The following NLRC5 variants were observed in gnomAD, a reference collection of about 807,000 sequenced individuals.
NLRC5 encodes protein NLRC5.
Under a neutral mutation model 206.9 loss-of-function variants are expected in NLRC5, and 114 were observed. The ratio of observed to expected loss-of-function variants is 0.55; its 90% confidence interval spans 0.47 to 0.64. The LOEUF (loss-of-function observed/expected upper bound fraction) is 0.64, where lower values mean the gene tolerates loss of function less well. Ranked by LOEUF, NLRC5 falls within the 30% of genes least tolerant of loss-of-function variation. NLRC5 has a pLI of 0.00. For missense variants in NLRC5, 2,008 were observed against 2,305.5 expected (o/e 0.87, Z 2.64); for synonymous variants, 952 against 962.8 (o/e 0.99, Z 0.21).
At chr16:57,009,532 G>C (rs2059278788) in intron 1 of NLRC5, among the ~76,000 whole-genome samples, 1 of 151,984 alleles carries the variant, frequency 6.6e-6, no homozygotes, top group Non-Finnish European at 1.5e-5. Flanking sequence ...GGTGGAGGTT[G>C]CAGTGAGCTG....
At chr16:57,053,147 A>G (rs1306820545) in intron 24 of NLRC5, 1 of 152,242 alleles carries the variant, frequency 6.6e-6, no homozygotes. Context: ...AGCCAGTGAT[A>G]AGAGAATTTT....
intron 19 of NLRC5, 38 bp downstream of exon 19, chr16:57,042,103 CA>C (rs770413317): frequency 1.3e-5 from 18 of 1,357,000 alleles, no homozygotes; most frequent in Non-Finnish European, 1.6e-5. Context: ...GAGGCTGGGG[CA>C]GGGGGGGAGC....
At chr16:57,042,923 G>A (rs951356127) in intron 19 of NLRC5, among the ~76,000 whole-genome samples, 1 of 152,144 alleles carries the variant, frequency 6.6e-6, no homozygotes, top group African/African-American at 2.4e-5. Flanking sequence ...AAGGAAGGAA[G>A]GTCTAACCAT....
At position 57,063,106 on chromosome 16, in the gene NLRC5, C is replaced by CTT. The variant is rs34897333; in HGVS notation, c.4154+1427_4154+1428dup. ...GTGTCACTGTGTCAGACTTTCCTTC[C>CTT]TTTTTTTTTTTTTTTTTTTTTTTGA... is the stretch of plus-strand genomic sequence containing the variant. On this transcript the variant is annotated intron_variant, in intron 32 of 48. Coordinates refer to ENST00000688547, the MANE Select transcript of NLRC5 (RefSeq NM_001384950.1). Among the ~76,000 whole-genome samples the CTT allele has an allele frequency of 9.6e-3, 914 of 94,930 alleles. 10 individuals carry two copies. Among genetic ancestry groups the CTT allele is most frequent in the African/African-American group, 0.018 (372 of 20,554 alleles). The allele number at this position is 94,930 out of a possible 152,430, so 62.3% of individuals were successfully genotyped here.
chr16:57,041,346 G>C lies in NLRC5; in HGVS notation c.2940-139G>C, dbSNP rs1309536748. 1.2e-5 allele frequency: 8 copies of C among 652,830 alleles called. No homozygotes were observed. In the East Asian group the frequency reaches 2.2e-4, roughly 18 times the overall value. The allele number at this position is 652,830 out of a possible 1,614,324, so 40.4% of individuals were successfully genotyped here. A position where few individuals can be genotyped will look rare whatever the true frequency, so the allele number is the denominator to read the frequency against. On this transcript the variant is annotated intron_variant, in intron 17 of 48. Coordinates refer to ENST00000688547, the MANE Select transcript of NLRC5 (RefSeq NM_001384950.1). ...TGTGTTGGTCCCTCTTTGTCCGTCT[G>C]TCTAGGTGCCAGATACATCCCAGTC...
rs61317543 is a variant in NLRC5, at chr16:57,044,145, C to CAA, written c.3203+556_3203+557dup. Among the ~76,000 whole-genome samples, 1,250 of 128,594 alleles carry CAA rather than the reference C, an allele frequency of 9.7e-3. 17 individuals carry two copies. Among genetic ancestry groups the CAA allele is most frequent in the African/African-American group, 0.023 (799 of 35,416 alleles). 84.4% of individuals were successfully genotyped at this position (128,594 alleles called of 152,430 possible). ...GAAACCCTGTCTCTGCTAAAAATACCAAAAAAAAAAAAAAAAGTATCTGGG... is the reference window on the plus strand; with the variant it reads ...GAAACCCTGTCTCTGCTAAAAATACCAAAAAAAAAAAAAAAAAAGTATCTGGG... On this transcript the variant is annotated intron_variant, in intron 20 of 48. Coordinates refer to ENST00000688547, the MANE Select transcript of NLRC5 (RefSeq NM_001384950.1).
At chr16:57,018,597 C>A (rs7185561) in intron 2 of NLRC5, among the ~76,000 whole-genome samples, 28,737 of 152,152 alleles carry the variant, frequency 0.19, 3,050 homozygotes, top group Non-Finnish European at 0.24. Flanking sequence ...CAGGGAGCAG[C>A]TGGGCTCTAA....
chr16:57,011,800 G>T (rs556448751), intron 1 of NLRC5, among the ~76,000 whole-genome samples: 1 of 151,120 alleles, frequency 6.6e-6, no homozygotes, highest in Non-Finnish European at 1.5e-5. Context: ...CTTTCGTTTT[G>T]TTTGTTGCCA....
chr16:57,030,438 A>AGATGGATG (rs71152231), intron 10 of NLRC5, among the ~76,000 whole-genome samples: 24,899 of 89,086 alleles, frequency 0.28, 6,169 homozygotes, highest in Non-Finnish European at 0.32. Context: ...GTGGATGAAA[A>AGATGGATG]GATGGATGGA....
chr16:57,025,800 C>T lies in NLRC5; in HGVS notation c.857C>T (p.Ser286Leu), dbSNP rs147147126. The T allele has an allele frequency of 2.4e-5, 38 of 1,614,234 alleles. 1 individual carries two copies. Among genetic ancestry groups the T allele is most frequent in the Non-Finnish European group, 3.0e-5 (35 of 1,180,034 alleles). Residue 286 changes from serine to leucine, a missense_variant, in exon 6 of 49, where the codon TCG (serine) becomes TTG (leucine). By Grantham distance (145) the Ser-to-Leu change is moderately radical. Transcript: ENST00000688547. ...LLFDLYLSPE[S>L]DHDTVFQYLE... ...TTTGATCTGTACCTGAGCCCTGAAT[C>T]GGACCACGACACTGTCTTCCAGTAC...
At chr16:57,069,394 C>T (rs1369540506) in intron 36 of NLRC5, among the ~76,000 whole-genome samples, 4 of 152,016 alleles carry the variant, frequency 2.6e-5, no homozygotes, top group African/African-American at 9.7e-5. Flanking sequence ...CCCGGGAGTT[C>T]GACACCAGCC....
At chr16:57,072,594 C>A (rs554879413) in intron 38 of NLRC5, among the ~76,000 whole-genome samples, 14 of 152,322 alleles carry the variant, frequency 9.2e-5, no homozygotes, top group African/African-American at 3.1e-4. Context: ...CCAGAAACAG[C>A]CTCAGTCTAA....
At chr16:57,039,672 G>A (rs1187957152) in intron 15 of NLRC5, 109 bp from the exon 16 acceptor site, 4 of 938,084 alleles carry the variant, frequency 4.3e-6, no homozygotes, top group East Asian at 4.8e-5. Flanking sequence ...AGCCATGATT[G>A]CACCACTGCA....
chr16:57,042,071 T>G lies in NLRC5; in HGVS notation c.3113+6T>G. On this transcript the variant is annotated splice_donor_region_variant and intron_variant, in intron 19 of 48. Transcript: ENST00000688547. Reference sequence around the variant, plus strand: ...GGAGCTCTGCAGTCCTTGAAGTGAGTAGCCCGCTAGGCAGAGCCTCTGAGG... The same window carrying G: ...GGAGCTCTGCAGTCCTTGAAGTGAGGAGCCCGCTAGGCAGAGCCTCTGAGG... 6.6e-7 allele frequency: 1 copy of G among 1,521,268 alleles called. No homozygotes were observed. The highest frequency in any genetic ancestry group is 8.8e-7 in the Non-Finnish European group (1 of 1,135,688). The allele number at this position is 1,521,268 out of a possible 1,614,324, so 94.2% of individuals were successfully genotyped here.
intron 27 of NLRC5, 84 bp downstream of exon 27, chr16:57,055,603 C>T (rs2065544845): frequency 1.9e-6 from 2 of 1,072,226 alleles, no homozygotes; most frequent in Non-Finnish European, 1.4e-6. Flanking sequence ...TCCGTGTGTG[C>T]ACATACACTC....
Position 57,023,858 on chromosome 16 carries a change from G to A in NLRC5, c.424+5G>A. 1 of 1,607,092 alleles carries A rather than the reference G, an allele frequency of 6.2e-7. No homozygotes were observed. Among genetic ancestry groups the A allele is most frequent in the Non-Finnish European group, 8.5e-7 (1 of 1,176,346 alleles). On this transcript the variant is annotated splice_donor_5th_base_variant and intron_variant, in intron 5 of 48. Coordinates refer to ENST00000688547, the MANE Select transcript of NLRC5 (RefSeq NM_001384950.1). ...AGTGCAAGAAGCAGCAGCTAGGTGG[G>A]TACCAGTGTGGGGAGGAACATAAAC...
chr16:57,077,888 G>A (rs527871391), intron 42 of NLRC5, 55 bp from the exon 43 acceptor site: 63 of 1,606,460 alleles, frequency 3.9e-5, no homozygotes, highest in Middle Eastern at 3.3e-4. Context: ...AGGGCAGGGC[G>A]GGGGTCCCGA....
chr16:57,047,757 A>C, intron 23 of NLRC5, 129 bp downstream of exon 23: 1 of 774,918 alleles, frequency 1.3e-6, no homozygotes, highest in Non-Finnish European at 2.2e-6. Flanking sequence ...GCCCCATGAG[A>C]GTCCCCTGGC....
At chr16:57,038,097 G>A (rs2062829955) in intron 15 of NLRC5, among the ~76,000 whole-genome samples, 1 of 151,856 alleles carries the variant, frequency 6.6e-6, no homozygotes, top group Non-Finnish European at 1.5e-5. Context: ...CCTCAGTATT[G>A]GTTATAATAG....
Sources: allele counts gnomAD v4.1 joint callset (sites outside exome capture counted in the v4.1 genomes callset), GRCh38; gene constraint gnomAD v4.1.1; transcripts MANE v1.5; gene names NCBI Gene and HGNC (gene_info 2026-07-23, HGNC 2026-07-21).